Variants in PALS2 observed in about 807,000 individuals in gnomAD.
PALS2 encodes the protein protein associated with LIN7 2, MAGUK p55 family member.
PALS2 carries 27 observed loss-of-function variants against 61.6 expected under a neutral mutation model. The observed-to-expected ratio is 0.44, with a 90% CI of 0.32 to 0.60. PALS2 has a LOEUF of 0.60. PALS2 is among the 20% of genes least tolerant of loss of function. The pLI is 0.05. For missense variants in PALS2, 554 were observed against 639.4 expected, an observed-to-expected ratio of 0.87 and a Z score of 1.44; for synonymous variants, 236 against 218.6, an observed-to-expected ratio of 1.08 and a Z score of -0.70.
intron 3 of PALS2, among the ~76,000 whole-genome samples, chr7:24,642,110 TG>T (rs1785587877): frequency 1.3e-5 from 2 of 152,202 alleles, no homozygotes; most frequent in South Asian, 4.1e-4. Flanking sequence ...GATTTTTCTT[TG>T]TGCCATTAAA....
At chr7:24,607,809 G>A (rs1783973990) in intron 1 of PALS2, among the ~76,000 whole-genome samples, 1 of 151,822 alleles carries the variant, frequency 6.6e-6, no homozygotes. Context: ...ATACAATGAA[G>A]TACTAGGTAT....
At chr7:24,630,827 T>A (rs536753091) in intron 2 of PALS2, among the ~76,000 whole-genome samples, 1 of 152,326 alleles carries the variant, frequency 6.6e-6, no homozygotes, top group Admixed American at 6.5e-5. Context: ...AGCACATCTG[T>A]TTACAGCATG....
chr7:24,631,318 A>C (rs1354834018), intron 2 of PALS2, among the ~76,000 whole-genome samples: 2 of 152,190 alleles, frequency 1.3e-5, no homozygotes, highest in East Asian at 3.8e-4. Context: ...GAAAGATGAC[A>C]CTTTCTTGAC....
In PALS2 at chr7:24,623,780, C is replaced by G. The variant is rs1784621277; in HGVS notation, c.113C>G (p.Ala38Gly). 6.5e-7 allele frequency: 1 copy of G among 1,533,130 alleles called. No individual in the cohort carries two copies. The highest frequency in any genetic ancestry group is 1.9e-5 in the Admixed American group (1 of 53,730). 95.0% of individuals were successfully genotyped at this position (1,533,130 alleles called of 1,614,324 possible). A position where few individuals can be genotyped will look rare whatever the true frequency, so the allele number is the denominator to read the frequency against. The change falls in exon 2 of 12, where the codon GCT becomes GGT. Residue 38 changes from alanine (A) to glycine (G), a missense_variant. Physicochemically the swap from Ala to Gly is moderately conservative, Grantham distance 60. Coordinates refer to ENST00000222644, the MANE Select transcript of PALS2 (RefSeq NM_001303037.2). The stretch of plus-strand genomic sequence containing the variant: ...GAGAATCCTATTGTAAAATCACTTG[C>G]TAAGGTATATAGATTTATTCATAAG... ...IMENPIVKSLAKAHERLEDSK... is the reference protein window; with the variant it reads ...IMENPIVKSLGKAHERLEDSK...
chr7:24,626,981 G>C (rs559492733), intron 2 of PALS2, among the ~76,000 whole-genome samples: 19 of 152,218 alleles, frequency 1.2e-4, no homozygotes, highest in African/African-American at 4.3e-4. Context: ...AATTAACAAG[G>C]ATATTCAGAA....
At chr7:24,579,547 C>A (rs552336579) in intron 1 of PALS2, among the ~76,000 whole-genome samples, 1 of 152,078 alleles carries the variant, frequency 6.6e-6, no homozygotes, top group Non-Finnish European at 1.5e-5. Context: ...TATTTAGTTA[C>A]CCCTTTCCAT....
intron 2 of PALS2, among the ~76,000 whole-genome samples, chr7:24,626,941 G>T (rs774736608): frequency 1.3e-5 from 2 of 152,198 alleles, no homozygotes; most frequent in African/African-American, 4.8e-5. Flanking sequence ...ACACCCCACC[G>T]TCAATATTAG....
chr7:24,583,171 G>A (rs564925496), intron 1 of PALS2, among the ~76,000 whole-genome samples: 2 of 152,032 alleles, frequency 1.3e-5, no homozygotes, highest in South Asian at 2.1e-4. Context: ...GATTACAAGC[G>A]TGAGCCACCG....
intron 9 of PALS2, among the ~76,000 whole-genome samples, chr7:24,669,671 G>A (rs1004551963): frequency 6.6e-6 from 1 of 152,124 alleles, no homozygotes; most frequent in African/African-American, 2.4e-5. Flanking sequence ...GTTTTGTCCA[G>A]TATATTTTGG....
intron 1 of PALS2, among the ~76,000 whole-genome samples, chr7:24,584,134 G>T (rs1193426773): frequency 1.3e-5 from 2 of 149,716 alleles, no homozygotes; most frequent in Admixed American, 6.7e-5. Flanking sequence ...GTGTGCATGT[G>T]TCTTTATAGC....
At chr7:24,669,661 G>C (rs1398065473) in intron 9 of PALS2, among the ~76,000 whole-genome samples, 1 of 152,036 alleles carries the variant, frequency 6.6e-6, no homozygotes, top group Non-Finnish European at 1.5e-5. Flanking sequence ...AGTTTCCCTG[G>C]TTTTGTCCAG....
intron 9 of PALS2, among the ~76,000 whole-genome samples, chr7:24,669,056 G>T (rs1787172730): frequency 6.6e-6 from 1 of 152,188 alleles, no homozygotes; most frequent in Non-Finnish European, 1.5e-5. Context: ...ACCCAGTGTG[G>T]CAACAGCTGT....
chr7:24,668,809 A>G (rs1478925902), intron 9 of PALS2, 149 bp downstream of exon 9: 2 of 971,126 alleles, frequency 2.1e-6, no homozygotes, highest in South Asian at 3.3e-5. Flanking sequence ...GACATTGAAA[A>G]ATTTAGTAAT....
In PALS2 at chr7:24,689,671, A is replaced by G. The variant is rs569149654; in HGVS notation, c.*2057A>G. On this transcript the variant is annotated 3_prime_UTR_variant, in exon 12 of 12. Transcript: ENST00000222644. The stretch of plus-strand genomic sequence containing the variant: ...GTCCTAGGACAGGGAATTGGTGACA[A>G]AATGGATTATACTATTTTAATAACA... 1 of 152,204 alleles carries G rather than the reference A, an allele frequency of 6.6e-6. No individual in the cohort carries two copies. The highest frequency in any genetic ancestry group is 2.1e-4 in the South Asian group (1 of 4,816). 9.4% of individuals were successfully genotyped at this position (152,204 alleles called of 1,614,324 possible). A position where few individuals can be genotyped will look rare whatever the true frequency, so the allele number is the denominator to read the frequency against.
At chr7:24,646,537 C>T (rs540856882) in intron 3 of PALS2, among the ~76,000 whole-genome samples, 4 of 151,922 alleles carry the variant, frequency 2.6e-5, no homozygotes, top group Admixed American at 2.0e-4. Context: ...TTTGATGTGC[C>T]GATTGATTTG....
intron 1 of PALS2, among the ~76,000 whole-genome samples, chr7:24,576,823 C>T (rs1314442992): frequency 2.0e-5 from 3 of 152,132 alleles, no homozygotes; most frequent in Admixed American, 2.0e-4. Context: ...ATTGAAGCAT[C>T]CCATGTAGCT....
chr7:24,609,130 A>G (rs9655247), intron 1 of PALS2, among the ~76,000 whole-genome samples: 3,605 of 152,232 alleles, frequency 0.024, 167 homozygotes, highest in African/African-American at 0.083. Flanking sequence ...ACCCGCTGTC[A>G]CTGATGTTTT....
intron 5 of PALS2, among the ~76,000 whole-genome samples, chr7:24,661,338 A>G (rs1786709721): frequency 6.6e-6 from 1 of 151,684 alleles, no homozygotes; most frequent in Admixed American, 6.6e-5. Flanking sequence ...AATGAAAAAA[A>G]AAAAATAAAT....
intron 1 of PALS2, among the ~76,000 whole-genome samples, chr7:24,576,438 T>C (rs1308610017): frequency 2.0e-5 from 3 of 152,178 alleles, no homozygotes; most frequent in Middle Eastern, 3.2e-3. Flanking sequence ...TGCTGGGTAG[T>C]GTGCTGAGGA....
Sources: allele counts gnomAD v4.1 joint callset (sites outside exome capture counted in the v4.1 genomes callset), GRCh38; gene constraint gnomAD v4.1.1; transcripts MANE v1.5; gene names NCBI Gene and HGNC (gene_info 2026-07-23, HGNC 2026-07-21).